The following DNAH8 variants were observed in gnomAD, a reference collection of about 807,000 sequenced individuals.
The protein encoded by DNAH8 is axonemal beta dynein heavy chain 8.
A neutral mutation model predicts 562.1 loss-of-function variants in DNAH8; 382 were observed. That is an observed-to-expected ratio of 0.68 (90% CI 0.63 to 0.74). The LOEUF is 0.74. DNAH8 is among the 30% of genes least tolerant of loss of function. The pLI is 0.00. For synonymous variants in DNAH8, 1,881 were observed against 1,919.4 expected (o/e 0.98, Z 0.52); for missense variants, 5,203 against 5,620.4 (o/e 0.93, Z 2.37).
chr6:38,798,665 G>C (rs1362211953), intron 21 of DNAH8, among the ~76,000 whole-genome samples: 1 of 152,252 alleles, frequency 6.6e-6, no homozygotes, highest in Non-Finnish European at 1.5e-5. Flanking sequence ...TGATGGCAGT[G>C]TGGGTCGTTG....
intron 58 of DNAH8, among the ~76,000 whole-genome samples, chr6:38,892,534 C>A (rs1173041227): frequency 6.6e-6 from 1 of 151,998 alleles, no homozygotes; most frequent in African/African-American, 2.4e-5. Context: ...ATCTCAGTGA[C>A]CTCCCCTTCA....
intron 62 of DNAH8, among the ~76,000 whole-genome samples, chr6:38,900,839 A>T (rs895140528): frequency 6.6e-6 from 1 of 150,728 alleles, no homozygotes; most frequent in African/African-American, 2.4e-5. Flanking sequence ...CTTCTCTTGA[A>T]CTCCTGACCT....
intron 3 of DNAH8, among the ~76,000 whole-genome samples, 187 bp downstream of exon 3, chr6:38,723,658 T>C (rs1762962966): frequency 6.6e-6 from 1 of 152,100 alleles, no homozygotes. Context: ...GGGGATTGCT[T>C]GAGGCCAGGA....
chr6:38,914,058 A>G, intron 67 of DNAH8, 106 bp downstream of exon 67: 2 of 783,230 alleles, frequency 2.6e-6, no homozygotes, highest in Non-Finnish European at 4.2e-6. Flanking sequence ...CCCATGGACA[A>G]TTCCTGATAA....
chr6:38,737,080 C>T lies in DNAH8; in HGVS notation c.776C>T (p.Thr259Ile). Residue 259 changes from threonine (T) to isoleucine (I), a missense_variant, in exon 6 of 93, where the codon ACT becomes ATT. This residue lies in a region of DNAH8 where 556 missense variants were observed against 496.9 expected (regional missense o/e 1.12). Transcript: ENST00000327475. ...VKTIQEEALFTVLDASKGLLN... is the reference protein window; with the variant it reads ...VKTIQEEALFIVLDASKGLLN... The stretch of plus-strand genomic sequence containing the variant: ...CCACCCTTTCAGGAAGCGCTCTTTA[C>T]TGTTCTGGATGCGTCGAAAGGACTC... 2.0e-6 allele frequency: 3 copies of T among 1,530,712 alleles called. No homozygotes were observed. The highest frequency in any genetic ancestry group is 2.7e-5 in the South Asian group (2 of 74,288). The allele number at this position is 1,530,712 out of a possible 1,614,324, so 94.8% of individuals were successfully genotyped here.
rs150167036 is a variant in DNAH8 at position 39,004,198 on chromosome 6, G to A, written c.13215-4616G>A. Among the ~76,000 whole-genome samples the A allele has an allele frequency of 5.1e-3, 782 of 152,228 alleles. 6 individuals are homozygous for A. Among genetic ancestry groups the A allele is most frequent in the African/African-American group, 0.018 (739 of 41,530 alleles). The stretch of plus-strand genomic sequence containing the variant: ...TTAAGTCCAGCCTGGGCAACAGAGC[G>A]AGAACCTGTCTCTTTAAAATAAATA... On this transcript the variant is annotated intron_variant, in intron 88 of 92. Transcript: ENST00000327475.
chr6:38,743,241 G>A (rs1211392241), intron 8 of DNAH8, among the ~76,000 whole-genome samples: 1 of 151,834 alleles, frequency 6.6e-6, no homozygotes, highest in Non-Finnish European at 1.5e-5. Context: ...GGGCTCAAGC[G>A]ATTCTTCCAC....
chr6:38,838,226 G>A (rs957724640), intron 33 of DNAH8, among the ~76,000 whole-genome samples, 184 bp downstream of exon 33: 5 of 152,124 alleles, frequency 3.3e-5, no homozygotes, highest in Non-Finnish European at 4.4e-5. Context: ...CAAAAGAAAC[G>A]TTCTAGGGGA....
rs921029861 is a variant in DNAH8, at chr6:38,815,629, C to A, written c.3495C>A (p.Asn1165Lys). ...SPTTTDVTHQNTGKLLKKEER... is the reference protein window; with the variant it reads ...SPTTTDVTHQKTGKLLKKEER... ...CCACTACTGACGTGACCCATCAAAACACAGGAAAACTGCTGAAGAAGGAAG... is the reference window on the plus strand; with the variant it reads ...CCACTACTGACGTGACCCATCAAAAAACAGGAAAACTGCTGAAGAAGGAAG... The change falls in exon 26 of 93, where the codon AAC becomes AAA. Residue 1165 changes from asparagine to lysine, a missense_variant. By Grantham distance (94) the Asn-to-Lys change is moderately conservative. Around this residue, in one of 6 missense-constraint regions of DNAH8, gnomAD observed 2,176 missense variants for 2,365.1 expected, o/e 0.92. Transcript: ENST00000327475. 5 of 1,613,088 alleles carry A rather than the reference C, an allele frequency of 3.1e-6. No homozygotes were observed. The highest frequency in any genetic ancestry group is 4.2e-6 in the Non-Finnish European group (5 of 1,179,518).
chr6:38,964,970 A>G (rs1762876395), intron 82 of DNAH8, among the ~76,000 whole-genome samples: 1 of 152,134 alleles, frequency 6.6e-6, no homozygotes, highest in Non-Finnish European at 1.5e-5. Flanking sequence ...AAGCTGAGGC[A>G]TGAGAATCTC....
chr6:38,897,295 T>C (rs1779769399), intron 60 of DNAH8, among the ~76,000 whole-genome samples: 1 of 152,196 alleles, frequency 6.6e-6, no homozygotes, highest in Non-Finnish European at 1.5e-5. Context: ...CACCCATTGG[T>C]TTAAATATTG....
At chr6:38,815,813 G>A (rs551071222) in intron 26 of DNAH8, among the ~76,000 whole-genome samples, 156 bp downstream of exon 26, 1 of 152,144 alleles carries the variant, frequency 6.6e-6, no homozygotes, top group Admixed American at 6.5e-5. Context: ...TCCTGGCTTT[G>A]GGTGGTGGGT....
In DNAH8 at chr6:38,729,963, A is replaced by G; in HGVS notation, c.587A>G (p.Gln196Arg). 3.8e-6 allele frequency: 6 copies of G among 1,593,056 alleles called. No homozygotes were observed. Among genetic ancestry groups the G allele is most frequent in the Non-Finnish European group, 5.2e-6 (6 of 1,163,948 alleles). ...TGTAAGACACTGAAATTTTTGTACC[A>G]AGAAGGAGATGTACCTGGTATTGGT... is the stretch of plus-strand genomic sequence containing the variant. Reference protein sequence around the residue: ...DGCKTLKFLYQEGDVPGIECG... With the variant: ...DGCKTLKFLYREGDVPGIECG... The change falls in exon 4 of 93, where the codon CAA becomes CGA. Residue 196 changes from glutamine to arginine, a missense_variant. Transcript: ENST00000327475.
intron 74 of DNAH8, among the ~76,000 whole-genome samples, chr6:38,926,984 G>T (rs960363342): frequency 6.6e-6 from 1 of 152,044 alleles, no homozygotes; most frequent in African/African-American, 2.4e-5. Flanking sequence ...TTAAATTATT[G>T]TTCTTTGCAC....
intron 28 of DNAH8, among the ~76,000 whole-genome samples, chr6:38,824,867 T>G (rs890326923): frequency 1.3e-5 from 2 of 152,034 alleles, no homozygotes; most frequent in Non-Finnish European, 1.5e-5. Context: ...TACCAAAGAA[T>G]TACAAGTACT....
Position 39,030,566 on chromosome 6 carries a change from T to C in DNAH8, c.*174T>C, listed in dbSNP as rs1222734122. 5.3e-6 allele frequency: 3 copies of C among 565,902 alleles called. No individual in the cohort carries two copies. The highest frequency in any genetic ancestry group is 2.9e-5 in the East Asian group (1 of 34,710). 35.1% of individuals were successfully genotyped at this position (565,902 alleles called of 1,614,324 possible). On this transcript the variant is annotated 3_prime_UTR_variant, in exon 93 of 93. Transcript: ENST00000327475. ...TGTGTGTTTTCCTCACATATCAATA[T>C]TCAAAAAGATAACTCTAAATGAATG...
At chr6:38,938,339 C>A in intron 78 of DNAH8, 113 bp downstream of exon 78, 1 of 1,245,642 alleles carries the variant, frequency 8.0e-7, no homozygotes, top group Non-Finnish European at 1.1e-6. Flanking sequence ...TGGAATCAAC[C>A]TAAATGCCCA....
chr6:38,720,243 G>C (rs1023495184), intron 1 of DNAH8, among the ~76,000 whole-genome samples: 1 of 152,192 alleles, frequency 6.6e-6, no homozygotes, highest in African/African-American at 2.4e-5. Context: ...GTGCTAAAGG[G>C]AGAAATATCC....
At position 38,842,678 on chromosome 6, in the gene DNAH8, A is replaced by G; in HGVS notation, c.4620A>G (p.Pro1540=). Residue 1540 remains proline, a synonymous_variant, in exon 35 of 93, where the codon CCA becomes CCG. Coordinates refer to ENST00000327475, the MANE Select transcript of DNAH8 (RefSeq NM_001206927.2). ...LEFQNRCRKL[P]KGLKDWQAFL... ...TTTCTGAAAGATGTCGTAAACTTCC[A>G]AAAGGACTTAAAGATTGGCAAGCTT... The G allele has an allele frequency of 4.3e-6, 7 of 1,611,946 alleles. No homozygotes were observed. Among genetic ancestry groups the G allele is most frequent in the Non-Finnish European group, 5.9e-6 (7 of 1,179,508 alleles).
Sources: gnomAD v4.1 joint callset for allele counts (sites outside exome capture counted in the v4.1 genomes callset) on GRCh38, gnomAD v4.1.1 for gene constraint, gnomAD v4.1.1 regional missense constraint, MANE v1.5 for transcripts, NCBI Gene and HGNC (gene_info 2026-07-23, HGNC 2026-07-21) for gene names.